The following DCLK2 variants were observed in gnomAD, a reference collection of about 807,000 sequenced individuals.
DCLK2 encodes the protein doublecortin like kinase 2.
In DCLK2, 31 loss-of-function variants were observed where a neutral mutation model predicts 78.4. The observed-to-expected ratio is 0.40, with a 90% confidence interval of 0.30 to 0.53. The LOEUF (loss-of-function observed/expected upper bound fraction) is 0.53. DCLK2 is among the 20% of genes least tolerant of loss of function. The pLI, the probability that DCLK2 is intolerant of heterozygous loss-of-function variation, is 0.61. For synonymous variants in DCLK2, 407 were observed against 374.9 expected (o/e 1.09, Z -0.99); for missense variants, 872 against 973.7 (o/e 0.90, Z 1.39).
intron 2 of DCLK2, among the ~76,000 whole-genome samples, chr4:150,151,384 T>C (rs900062216): frequency 6.6e-6 from 1 of 152,166 alleles, no homozygotes; most frequent in Non-Finnish European, 1.5e-5. Flanking sequence ...GGACAGCCAA[T>C]TAGAACCTCT....
chr4:150,155,981 G>A (rs1735242385), intron 2 of DCLK2, among the ~76,000 whole-genome samples: 1 of 152,108 alleles, frequency 6.6e-6, no homozygotes, highest in Non-Finnish European at 1.5e-5. Context: ...GAGAGGAGTG[G>A]CCTGGGTAGT....
At chr4:150,223,026 C>A in intron 7 of DCLK2, among the ~76,000 whole-genome samples, 1 of 152,142 alleles carries the variant, frequency 6.6e-6, no homozygotes, top group Non-Finnish European at 1.5e-5. Flanking sequence ...TTTATCATTT[C>A]TGGAGATTTT....
In DCLK2 at chr4:150,203,901, G is replaced by A; in HGVS notation, c.1056+12G>A. 1.9e-6 allele frequency: 3 copies of A among 1,593,934 alleles called. No homozygotes were observed. The highest frequency in any genetic ancestry group is 2.6e-6 in the Non-Finnish European group (3 of 1,162,328). ...TCAGAGGATTAAAGGTATGAAATAG[G>A]ATATGTGGCATATTTGTGTGATTTT... On this transcript the variant is annotated intron_variant, in intron 5 of 15. Transcript: ENST00000296550.
intron 2 of DCLK2, among the ~76,000 whole-genome samples, chr4:150,181,130 T>A (rs193280492): frequency 4.0e-4 from 61 of 152,342 alleles, no homozygotes; most frequent in Non-Finnish European, 1.5e-5. Flanking sequence ...TATCTTTGGG[T>A]CTTCATTGTG....
intron 2 of DCLK2, among the ~76,000 whole-genome samples, chr4:150,106,113 T>A (rs189861574): frequency 6.6e-6 from 1 of 151,530 alleles, no homozygotes; most frequent in Non-Finnish European, 1.5e-5. Context: ...TTTGGAAAAA[T>A]TAGATTTAAT....
At chr4:150,238,501 T>C (rs962413771) in intron 10 of DCLK2, among the ~76,000 whole-genome samples, 16 of 152,238 alleles carry the variant, frequency 1.1e-4, no homozygotes, top group African/African-American at 3.9e-4. Flanking sequence ...TATATATTGC[T>C]GAATGCTTTC....
chr4:150,156,343 G>A (rs980849774), intron 2 of DCLK2, among the ~76,000 whole-genome samples: 5 of 152,022 alleles, frequency 3.3e-5, no homozygotes, highest in African/African-American at 9.7e-5. Flanking sequence ...AAGAAGGAAG[G>A]TGTAAAGAGC....
chr4:150,167,431 A>C (rs1320924190), intron 2 of DCLK2, among the ~76,000 whole-genome samples: 1 of 152,224 alleles, frequency 6.6e-6, no homozygotes, highest in African/African-American at 2.4e-5. Flanking sequence ...ACGGACCTCA[A>C]TTTAGGCCTT....
intron 11 of DCLK2, 27 bp from the exon 12 acceptor site, chr4:150,240,372 T>C (rs368409114): frequency 6.2e-7 from 1 of 1,610,254 alleles, no homozygotes. Context: ...ATCAGTTCTC[T>C]CCCCCTCACC....
intron 2 of DCLK2, among the ~76,000 whole-genome samples, chr4:150,121,001 G>A (rs1035798148): frequency 6.6e-6 from 1 of 152,124 alleles, no homozygotes; most frequent in Non-Finnish European, 1.5e-5. Context: ...TACCTGGGGG[G>A]CAGAGGTTGC....
intron 1 of DCLK2, among the ~76,000 whole-genome samples, chr4:150,100,756 T>C (rs1442533340): frequency 6.6e-6 from 1 of 152,238 alleles, no homozygotes; most frequent in Non-Finnish European, 1.5e-5. Context: ...TTTGAAATTA[T>C]ATGACATTTT....
intron 3 of DCLK2, among the ~76,000 whole-genome samples, chr4:150,197,752 C>T (rs1739158396): frequency 6.6e-6 from 1 of 151,214 alleles, no homozygotes. Flanking sequence ...CCAGATCGCG[C>T]CATTGCACTC....
At chr4:150,245,702 C>G (rs929119015) in intron 12 of DCLK2, among the ~76,000 whole-genome samples, 1 of 152,100 alleles carries the variant, frequency 6.6e-6, no homozygotes, top group Non-Finnish European at 1.5e-5. Context: ...TGAACTCATC[C>G]TTTTTTATGA....
At chr4:150,146,813 A>C (rs1251386589) in intron 2 of DCLK2, among the ~76,000 whole-genome samples, 1 of 152,166 alleles carries the variant, frequency 6.6e-6, no homozygotes, top group Non-Finnish European at 1.5e-5. Context: ...ATTTGAGAAA[A>C]GAAAATAGTC....
chr4:150,248,442 G>A (rs1580796058), intron 14 of DCLK2, 57 bp downstream of exon 14: 8 of 1,396,402 alleles, frequency 5.7e-6, no homozygotes, highest in Non-Finnish European at 7.1e-6. Context: ...CCAACAGCAC[G>A]GTTCCTCACT....
chr4:150,166,017 C>T (rs1210410762), intron 2 of DCLK2, among the ~76,000 whole-genome samples: 3 of 152,124 alleles, frequency 2.0e-5, no homozygotes, highest in Non-Finnish European at 4.4e-5. Context: ...AGTGCCAAGC[C>T]CTTGGACTTC....
intron 2 of DCLK2, among the ~76,000 whole-genome samples, chr4:150,127,688 C>T (rs932946147): frequency 1.3e-5 from 2 of 152,178 alleles, no homozygotes; most frequent in African/African-American, 4.8e-5. Context: ...TAATGCTGCA[C>T]CTTCTCTCCG....
intron 2 of DCLK2, among the ~76,000 whole-genome samples, chr4:150,123,396 T>C (rs1182397017): frequency 6.6e-6 from 1 of 152,016 alleles, no homozygotes; most frequent in African/African-American, 2.4e-5. Context: ...AGCTGGTTGG[T>C]GGAAAAATCA....
intron 2 of DCLK2, among the ~76,000 whole-genome samples, chr4:150,179,640 A>G (rs914912949): frequency 1.3e-5 from 2 of 152,168 alleles, no homozygotes; most frequent in East Asian, 1.9e-4. Flanking sequence ...AAAATGCTGC[A>G]GGTTTTGCAT....
Sources: allele counts gnomAD v4.1 joint callset (sites outside exome capture counted in the v4.1 genomes callset), GRCh38; gene constraint gnomAD v4.1.1; transcripts MANE v1.5; gene names NCBI Gene and HGNC (gene_info 2026-07-23, HGNC 2026-07-21).